FAM91A1: variants seen among roughly 807,000 people sequenced by gnomAD.
FAM91A1 encodes the protein protein FAM91A1.
In FAM91A1, 41 loss-of-function variants were observed where a neutral mutation model predicts 113.5. That is an observed-to-expected ratio of 0.36 (90% CI 0.28 to 0.47). The LOEUF (loss-of-function observed/expected upper bound fraction) is 0.47. Among genes scored for constraint, FAM91A1 ranks in the 20% least tolerant of loss-of-function variants. The probability of loss-of-function intolerance (pLI) is 1.00; values close to 1 mark genes in which losing one functional copy is unlikely to be tolerated. For missense variants in FAM91A1, 696 were observed against 1,001.2 expected, an observed-to-expected ratio of 0.70 and a Z score of 4.11; for synonymous variants, 307 against 347.9, an observed-to-expected ratio of 0.88 and a Z score of 1.31.
chr8:123,798,556 T>TA (rs1815599660), intron 16 of FAM91A1, among the ~76,000 whole-genome samples: 2 of 152,160 alleles, frequency 1.3e-5, no homozygotes, highest in African/African-American at 4.8e-5. Context: ...TAGGAAAAGT[T>TA]AAATGTCTTC....
chr8:123,790,171 A>G (rs1177813601), intron 15 of FAM91A1, among the ~76,000 whole-genome samples: 2 of 152,232 alleles, frequency 1.3e-5, no homozygotes, highest in African/African-American at 4.8e-5. Flanking sequence ...ATACTTACCA[A>G]AAGATTTTAC....
chr8:123,785,735 G>C lies in FAM91A1; in HGVS notation c.956G>C (p.Arg319Thr). Residue 319 changes from arginine to threonine, a missense_variant, in exon 11 of 24, where the codon AGA becomes ACA. Arg to Thr is a moderately conservative substitution (Grantham distance 71). Transcript: ENST00000334705. Reference protein sequence around the residue: ...SSWKNVPSVNRLKSTLDPQKM... With the variant: ...SSWKNVPSVNTLKSTLDPQKM... ...TGGAAGAATGTTCCATCCGTAAACA[G>C]ATTAAAGTAACTTAAATTTATTCAG... 1.3e-6 allele frequency: 2 copies of C among 1,571,260 alleles called. No homozygotes were observed. The highest frequency in any genetic ancestry group is 1.7e-6 in the Non-Finnish European group (2 of 1,163,324).
Position 123,780,470 on chromosome 8 carries a change from G to A in FAM91A1, c.641-10G>A. ...GTTCCATCTAAAACAAGGTACTTTTGTTTCTTCAGGTTTGTATAACAAAGG... is the reference window on the plus strand; with the variant it reads ...GTTCCATCTAAAACAAGGTACTTTTATTTCTTCAGGTTTGTATAACAAAGG... On this transcript the variant is annotated splice_polypyrimidine_tract_variant and intron_variant, in intron 7 of 23. Transcript: ENST00000334705. 1 of 1,602,410 alleles carries A rather than the reference G, an allele frequency of 6.2e-7. No homozygotes were observed.
chr8:123,812,588 G>C lies in FAM91A1; in HGVS notation c.2401G>C (p.Ala801Pro). 1 of 1,610,354 alleles carries C rather than the reference G, an allele frequency of 6.2e-7. No homozygotes were observed. Among genetic ancestry groups the C allele is most frequent in the Non-Finnish European group, 8.5e-7 (1 of 1,178,440 alleles). Residue 801 changes from alanine to proline, a missense_variant, in exon 24 of 24, where the codon GCT (alanine) becomes CCT (proline). By Grantham distance (27) the Ala-to-Pro change is conservative (BLOSUM62 -1). Transcript: ENST00000334705. ...FSSLLSQSSC[A>P]DMGVPLPAKN... ...AAGTTTGCTTTCACAGTCATCGTGT[G>C]CTGACATGGGTGTTCCACTTCCTGC... is the stretch of plus-strand genomic sequence containing the variant.
At position 123,775,201 on chromosome 8, in the gene FAM91A1, G is replaced by A. The variant is rs775214727; in HGVS notation, c.212G>A (p.Ser71Asn). The A allele has an allele frequency of 5.6e-6, 9 of 1,613,702 alleles. No individual in the cohort carries two copies. The highest frequency in any genetic ancestry group is 7.6e-6 in the Non-Finnish European group (9 of 1,179,836). Residue 71 changes from serine (S) to asparagine (N), a missense_variant, in exon 3 of 24, where the codon AGC becomes AAC. Transcript: ENST00000334705. ...RRYYEELLKYSRDHLMLYPYH... is the reference protein window; with the variant it reads ...RRYYEELLKYNRDHLMLYPYH... ...TACTATGAGGAACTGCTAAAGTACA[G>A]CCGAGATCATCTCATGCTGTACCCT...
chr8:123,787,281 A>C lies in FAM91A1; in HGVS notation c.1099A>C (p.Ser367Arg), dbSNP rs747461244. The change falls in exon 13 of 24, where the codon AGC becomes CGC. Residue 367 changes from serine (S) to arginine (R), a missense_variant. By Grantham distance (110) the Ser-to-Arg change is moderately radical. Coordinates refer to ENST00000334705, the MANE Select transcript of FAM91A1 (RefSeq NM_144963.4). ...EDPADTASVS[S>R]LSLSTGHTKR... ...TTCAGCTGACACAGCCAGTGTAAGC[A>C]GCCTGAGTCTGTCTACAGGACACAC... 7.4e-6 allele frequency: 12 copies of C among 1,610,936 alleles called. No individual in the cohort carries two copies. The highest frequency in any genetic ancestry group is 3.3e-5 in the South Asian group (3 of 90,892).
At chr8:123,790,885 G>T (rs1010410336) in intron 15 of FAM91A1, among the ~76,000 whole-genome samples, 1 of 152,142 alleles carries the variant, frequency 6.6e-6, no homozygotes, top group African/African-American at 2.4e-5. Context: ...GCCAAATGCC[G>T]AGAGTCCTAA....
intron 18 of FAM91A1, among the ~76,000 whole-genome samples, chr8:123,800,833 C>T (rs747751566): frequency 2.1e-4 from 32 of 152,178 alleles, no homozygotes; most frequent in South Asian, 1.7e-3. Context: ...CAAGGTTCAT[C>T]ATGTTGTCAT....
intron 21 of FAM91A1, 29 bp downstream of exon 21, chr8:123,808,405 A>C: frequency 6.4e-7 from 1 of 1,571,500 alleles, no homozygotes. Flanking sequence ...TTCCAATTTT[A>C]TTAGACTAAT....
intron 18 of FAM91A1, among the ~76,000 whole-genome samples, chr8:123,801,996 A>G (rs560134557): frequency 1.3e-5 from 2 of 152,086 alleles, no homozygotes; most frequent in Non-Finnish European, 2.9e-5. Flanking sequence ...GTCAGAGACA[A>G]GTCTGGAGAA....
chr8:123,777,750 A>C (rs1207697497), intron 4 of FAM91A1, among the ~76,000 whole-genome samples: 1 of 152,206 alleles, frequency 6.6e-6, no homozygotes, highest in Admixed American at 6.5e-5. Context: ...TTGTTTAAGA[A>C]GCTTTCGCTG....
chr8:123,808,502 AG>A, intron 21 of FAM91A1, 126 bp downstream of exon 21: 1 of 610,394 alleles, frequency 1.6e-6, no homozygotes, highest in South Asian at 3.5e-5. Flanking sequence ...AGAGTTTTCT[AG>A]GAAGCCTTTT....
In FAM91A1 at chr8:123,815,254, C is replaced by T. The variant is rs1192641481; in HGVS notation, c.*2550C>T. The T allele has an allele frequency of 1.3e-5, 2 of 151,622 alleles. No homozygotes were observed. The highest frequency in any genetic ancestry group is 3.9e-4 in the East Asian group (2 of 5,172). 9.4% of individuals were successfully genotyped at this position (151,622 alleles called of 1,614,324 possible). A position where few individuals can be genotyped will look rare whatever the true frequency, so the allele number is the denominator to read the frequency against. On this transcript the variant is annotated 3_prime_UTR_variant, in exon 24 of 24. Coordinates refer to ENST00000334705, the MANE Select transcript of FAM91A1 (RefSeq NM_144963.4). ...TCAGTTTTCTCTGCCATTCATGTTT[C>T]TTTTTTGTGTTCAGTGTTTCAAATA...
chr8:123,776,263 G>A lies in FAM91A1; in HGVS notation c.309+965G>A, dbSNP rs118145123. ...TAGTATTCATTTGCTCCTTAATTAT[G>A]TTTGAGTGCTTCTGTTTGGGGCTCA... On this transcript the variant is annotated intron_variant, in intron 3 of 23. Coordinates refer to ENST00000334705, the MANE Select transcript of FAM91A1 (RefSeq NM_144963.4). 6.5e-4 allele frequency among the ~76,000 whole-genome samples: 99 copies of A among 152,326 alleles called. 1 individual carries two copies. The East Asian group carries it at 0.017, about 27-fold the overall frequency.
At position 123,805,347 on chromosome 8, in the gene FAM91A1, T is replaced by C. The variant is rs747585663; in HGVS notation, c.1882+8T>C. ...AAACAGAACTACAAGGAGGTACCTT[T>C]TGAATTGTATCTATTGACTTTTTTT... On this transcript the variant is annotated splice_region_variant and intron_variant, in intron 19 of 23. Coordinates refer to ENST00000334705, the MANE Select transcript of FAM91A1 (RefSeq NM_144963.4). The C allele has an allele frequency of 1.2e-6, 2 of 1,605,226 alleles. No individual in the cohort carries two copies. Among genetic ancestry groups the C allele is most frequent in the Non-Finnish European group, 1.7e-6 (2 of 1,175,660 alleles).
At chr8:123,772,800 A>G (rs146443393) in intron 1 of FAM91A1, among the ~76,000 whole-genome samples, 52 of 152,320 alleles carry the variant, frequency 3.4e-4, no homozygotes, top group Non-Finnish European at 6.2e-4. Flanking sequence ...TGATGAACAC[A>G]TATTTTGTAT....
intron 10 of FAM91A1, 99 bp downstream of exon 10, chr8:123,785,218 G>A: frequency 9.8e-7 from 1 of 1,019,896 alleles, no homozygotes; most frequent in Non-Finnish European, 1.4e-6. Flanking sequence ...CGAAGACATT[G>A]AGATTGTTGT....
chr8:123,815,278 T>C lies in FAM91A1; in HGVS notation c.*2574T>C, dbSNP rs983432452. ...TCTTTTTTGTGTTCAGTGTTTCAAA[T>C]ACAATTTGTATTTAAGGATTTTAAA... is the stretch of plus-strand genomic sequence containing the variant. On this transcript the variant is annotated 3_prime_UTR_variant, in exon 24 of 24. Transcript: ENST00000334705. The C allele has an allele frequency of 6.6e-6, 1 of 152,602 alleles. No homozygotes were observed. The highest frequency in any genetic ancestry group is 2.4e-5 in the African/African-American group (1 of 41,464). The allele number at this position is 152,602 out of a possible 1,614,324, so 9.5% of individuals were successfully genotyped here.
intron 20 of FAM91A1, among the ~76,000 whole-genome samples, chr8:123,806,658 A>T (rs1815819947): frequency 6.6e-6 from 1 of 151,982 alleles, no homozygotes; most frequent in Non-Finnish European, 1.5e-5. Context: ...TCCTTTTTCC[A>T]CTATGTTCAG....
Sources: gnomAD v4.1 joint callset for allele counts (sites outside exome capture counted in the v4.1 genomes callset) on GRCh38, gnomAD v4.1.1 for gene constraint, MANE v1.5 for transcripts, NCBI Gene and HGNC (gene_info 2026-07-23, HGNC 2026-07-21) for gene names.